The following TG variants were observed in gnomAD, a reference collection of about 807,000 sequenced individuals.
TG encodes thyroglobulin.
In TG, 270 loss-of-function variants were observed where a neutral mutation model predicts 324.7. The ratio of observed to expected loss-of-function variants is 0.83; its 90% CI spans 0.75 to 0.92. The LOEUF (loss-of-function observed/expected upper bound fraction) is 0.92, where lower values mean the gene tolerates loss of function less well. Among genes scored for constraint, TG ranks in the 40% least tolerant of loss-of-function variants. TG has a pLI of 0.00. For synonymous variants in TG, 1,401 were observed against 1,327.0 expected (o/e 1.06, Z -1.21); for missense variants, 3,591 against 3,456.4 (o/e 1.04, Z -0.98).
At position 133,053,848 on chromosome 8, in the gene TG, T is replaced by C. The variant is rs752912970; in HGVS notation, c.7239+23825T>C. ...GTGGAATTTCCGTAATAGTGATGTTTTGATAGCTATGGCACTTAAACATCA... is the reference window on the plus strand; with the variant it reads ...GTGGAATTTCCGTAATAGTGATGTTCTGATAGCTATGGCACTTAAACATCA... On this transcript the variant is annotated intron_variant, in intron 41 of 47. Coordinates refer to ENST00000220616, the MANE Select transcript of TG (RefSeq NM_003235.5). Among the ~76,000 whole-genome samples, 48 of 152,370 alleles carry C rather than the reference T, an allele frequency of 3.2e-4. 1 individual carries two copies. Among genetic ancestry groups the C allele is most frequent in the Admixed American group, 1.7e-3 (26 of 15,312 alleles).
chr8:132,908,470 T>C, intron 18 of TG, 130 bp downstream of exon 18: 1 of 258,814 alleles, frequency 3.9e-6, no homozygotes, highest in Non-Finnish European at 7.1e-6. Flanking sequence ...TTGCTGGAAC[T>C]AATAGTGAAT....
intron 41 of TG, among the ~76,000 whole-genome samples, chr8:133,078,987 G>C (rs1845328539): frequency 6.6e-6 from 1 of 152,180 alleles, no homozygotes; most frequent in Non-Finnish European, 1.5e-5. Flanking sequence ...AACCTCTAGG[G>C]CTCCTGGTTT....
At chr8:133,058,490 G>T in intron 41 of TG, among the ~76,000 whole-genome samples, 1 of 152,328 alleles carries the variant, frequency 6.6e-6, no homozygotes, top group Middle Eastern at 3.4e-3. Context: ...CATGAGGTTC[G>T]CTCAAGCATG....
intron 26 of TG, among the ~76,000 whole-genome samples, chr8:132,945,383 C>T (rs1423980898): frequency 6.6e-6 from 1 of 152,070 alleles, no homozygotes; most frequent in Non-Finnish European, 1.5e-5. Context: ...AGCTTGTTCA[C>T]CTGTTGTGTG....
At chr8:133,055,673 T>C (rs1451681623) in intron 41 of TG, among the ~76,000 whole-genome samples, 1 of 152,206 alleles carries the variant, frequency 6.6e-6, no homozygotes, top group Non-Finnish European at 1.5e-5. Flanking sequence ...TAGAGGGATA[T>C]AGGCAGGGCT....
At chr8:132,947,698 A>G (rs1420550134) in intron 26 of TG, among the ~76,000 whole-genome samples, 1 of 152,082 alleles carries the variant, frequency 6.6e-6, no homozygotes, top group Non-Finnish European at 1.5e-5. Flanking sequence ...ATTTATCCAA[A>G]TGGCATAGAT....
At chr8:132,971,495 G>A (rs1455004232) in intron 32 of TG, among the ~76,000 whole-genome samples, 1 of 152,154 alleles carries the variant, frequency 6.6e-6, no homozygotes, top group East Asian at 1.9e-4. Context: ...CTGGATCCTG[G>A]GTTAGCTTGG....
At chr8:133,080,288 C>T (rs1018028646) in intron 41 of TG, among the ~76,000 whole-genome samples, 17 of 152,126 alleles carry the variant, frequency 1.1e-4, no homozygotes, top group African/African-American at 1.7e-4. Flanking sequence ...GCGTATGTTA[C>T]GTATTTAGTC....
intron 45 of TG, among the ~76,000 whole-genome samples, chr8:133,126,661 A>G (rs931111784): frequency 6.6e-6 from 1 of 152,170 alleles, no homozygotes; most frequent in Non-Finnish European, 1.5e-5. Context: ...AACACAAGCC[A>G]TTTGGAAAGC....
At chr8:132,982,159 C>T (rs1052110113) in intron 34 of TG, among the ~76,000 whole-genome samples, 2 of 152,218 alleles carry the variant, frequency 1.3e-5, no homozygotes, top group African/African-American at 4.8e-5. Context: ...CTATGAGAGG[C>T]ACTGTTACTA....
chr8:133,077,026 G>C (rs1191690402), intron 41 of TG, among the ~76,000 whole-genome samples: 1 of 152,140 alleles, frequency 6.6e-6, no homozygotes, highest in African/African-American at 2.4e-5. Flanking sequence ...TGGGTTGATG[G>C]GACCGAGGGG....
intron 41 of TG, among the ~76,000 whole-genome samples, chr8:133,083,886 G>C (rs1020392021): frequency 6.6e-6 from 1 of 152,090 alleles, no homozygotes; most frequent in Non-Finnish European, 1.5e-5. Context: ...TGCACCCAGT[G>C]GTTCCCAGTT....
chr8:132,867,860 C>T lies in TG; in HGVS notation c.68-255C>T, dbSNP rs550587134. Among the ~76,000 whole-genome samples the T allele has an allele frequency of 5.9e-5, 9 of 151,906 alleles. No individual in the cohort carries two copies. In the South Asian group the frequency reaches 8.3e-4, roughly 14 times the overall value. ...TGCCAGTTACGTGACTTTGGGCAGA[C>T]GACTTTCGCTGCCTGAGACTTGGTG... On this transcript the variant is annotated intron_variant, in intron 1 of 47. Transcript: ENST00000220616.
rs889962602 is a variant in TG, at chr8:133,030,171, T to C, written c.7239+148T>C. 5.8e-6 allele frequency: 6 copies of C among 1,028,144 alleles called. No individual in the cohort carries two copies. The African/African-American group carries it at 9.5e-5, about 16-fold the overall frequency. 63.7% of individuals were successfully genotyped at this position (1,028,144 alleles called of 1,614,324 possible). A position where few individuals can be genotyped will look rare whatever the true frequency, so the allele number is the denominator to read the frequency against. ...TGTGGATGCTGCTTGGAGTTTTCCA[T>C]GTATGTGTGATTCCACAATGCTGAA... is the stretch of plus-strand genomic sequence containing the variant. On this transcript the variant is annotated intron_variant, in intron 41 of 47. Coordinates refer to ENST00000220616, the MANE Select transcript of TG (RefSeq NM_003235.5).
chr8:132,879,504 A>C (rs914526323), intron 5 of TG, among the ~76,000 whole-genome samples: 1 of 152,258 alleles, frequency 6.6e-6, no homozygotes, highest in Non-Finnish European at 1.5e-5. Flanking sequence ...TTGTTCATAC[A>C]TATCACTTGT....
chr8:133,127,046 T>C (rs1851576264), intron 45 of TG, among the ~76,000 whole-genome samples: 1 of 152,148 alleles, frequency 6.6e-6, no homozygotes, highest in African/African-American at 2.4e-5. Context: ...TGCCCATCTG[T>C]GCTGTGCCAT....
At chr8:133,045,208 C>T (rs1250353224) in intron 41 of TG, 1 of 1,358,194 alleles carries the variant, frequency 7.4e-7, no homozygotes, top group African/African-American at 1.4e-5. Flanking sequence ...GCAGGGAGAC[C>T]TGCCCACCCT....
At chr8:132,930,346 A>G (rs1187696090) in intron 23 of TG, among the ~76,000 whole-genome samples, 1 of 152,186 alleles carries the variant, frequency 6.6e-6, no homozygotes, top group African/African-American at 2.4e-5. Context: ...AGGGATTGTC[A>G]TATACCTGCT....
chr8:132,985,616 A>G (rs1831422506), intron 35 of TG, among the ~76,000 whole-genome samples: 1 of 152,352 alleles, frequency 6.6e-6, no homozygotes, highest in East Asian at 1.9e-4. Flanking sequence ...AAAGAGAAAC[A>G]GTAGCATCCT....
Sources: allele counts gnomAD v4.1 joint callset (sites outside exome capture counted in the v4.1 genomes callset), GRCh38; gene constraint gnomAD v4.1.1; transcripts MANE v1.5; gene names NCBI Gene and HGNC (gene_info 2026-07-23, HGNC 2026-07-21).